The following CKAP5 variants were observed in gnomAD, a reference collection of about 807,000 sequenced individuals.
CKAP5 encodes the protein cytoskeleton associated protein 5.
In CKAP5, 27 loss-of-function variants were observed where a neutral mutation model predicts 232.8. The ratio of observed to expected loss-of-function variants is 0.12; its 90% confidence interval spans 0.09 to 0.16. The LOEUF (loss-of-function observed/expected upper bound fraction) is 0.16. CKAP5 is among the 10% of genes least tolerant of loss of function. The pLI is 1.00. For synonymous variants in CKAP5, 785 were observed against 841.1 expected (o/e 0.93, Z 1.16); for missense variants, 1,838 against 2,424.7 (o/e 0.76, Z 5.08).
intron 35 of CKAP5, among the ~76,000 whole-genome samples, chr11:46,758,128 CT>C (rs1315584410): frequency 6.6e-6 from 1 of 152,170 alleles, no homozygotes; most frequent in Non-Finnish European, 1.5e-5. Context: ...CACCCTGGTG[CT>C]TTTAAAGCCC....
At chr11:46,752,584 CAA>C (rs772556034) in intron 38 of CKAP5, 49 bp downstream of exon 38, 3 of 1,428,354 alleles carry the variant, frequency 2.1e-6, no homozygotes, top group Non-Finnish European at 2.9e-6. Flanking sequence ...ATACTTTTAA[CAA>C]AGTGATTGCA....
intron 1 of CKAP5, among the ~76,000 whole-genome samples, chr11:46,840,868 G>C (rs1441216019): frequency 2.0e-5 from 3 of 152,130 alleles, no homozygotes; most frequent in African/African-American, 7.2e-5. Context: ...GCCTACAGAA[G>C]CACAGGTAAA....
chr11:46,774,097 G>A (rs1318859377), intron 24 of CKAP5, among the ~76,000 whole-genome samples: 1 of 152,120 alleles, frequency 6.6e-6, no homozygotes, highest in Non-Finnish European at 1.5e-5. Context: ...GTTTACAGAT[G>A]AACATGATTG....
chr11:46,758,125 G>A (rs1489413012), intron 35 of CKAP5, among the ~76,000 whole-genome samples: 1 of 151,982 alleles, frequency 6.6e-6, no homozygotes, highest in Non-Finnish European at 1.5e-5. Context: ...ACTCACCCTG[G>A]TGCTTTTAAA....
chr11:46,809,471 T>C lies in CKAP5; in HGVS notation c.793A>G (p.Ile265Val). ...GGDDGDEVPQIDAYELLEAVE... is the reference protein window; with the variant it reads ...GGDDGDEVPQVDAYELLEAVE... ...GCTTCTAAAAGCTCATAAGCATCTA[T>C]TTGTGGCACCTCATCACCATCATCA... The change falls in exon 7 of 44, where the codon ATA becomes GTA. Residue 265 changes from isoleucine (I) to valine (V), a missense_variant. Ile to Val is a conservative substitution (Grantham distance 29). This residue lies in a region of CKAP5 where 285 missense variants were observed against 300.0 expected (regional missense o/e 0.95). Coordinates refer to ENST00000529230, the MANE Select transcript of CKAP5 (RefSeq NM_001008938.4). 6.2e-7 allele frequency: 1 copy of C among 1,613,546 alleles called. No homozygotes were observed. Among genetic ancestry groups the C allele is most frequent in the Non-Finnish European group, 8.5e-7 (1 of 1,179,698 alleles).
At position 46,778,947 on chromosome 11, in the gene CKAP5, T is replaced by C. The variant is rs993708971; in HGVS notation, c.2434-348A>G. Reference sequence around the variant, plus strand: ...AAAATTAGCCTGGCATGGTGGCACGTGCGTGTAATCCCAGCTTCCCAGCTG... The same window carrying C: ...AAAATTAGCCTGGCATGGTGGCACGCGCGTGTAATCCCAGCTTCCCAGCTG... On this transcript the variant is annotated intron_variant, in intron 20 of 43. Transcript: ENST00000529230. 2.0e-5 allele frequency among the ~76,000 whole-genome samples: 3 copies of C among 151,900 alleles called. 1 individual carries two copies. Among genetic ancestry groups the C allele is most frequent in the African/African-American group, 7.3e-5 (3 of 41,348 alleles).
chr11:46,839,785 T>C (rs956022129), intron 1 of CKAP5, among the ~76,000 whole-genome samples: 1 of 152,160 alleles, frequency 6.6e-6, no homozygotes, highest in Non-Finnish European at 1.5e-5. Context: ...ATTTTGAGCA[T>C]GTTGCACAGC....
intron 1 of CKAP5, among the ~76,000 whole-genome samples, chr11:46,830,813 A>T (rs1427788347): frequency 6.6e-6 from 1 of 152,184 alleles, no homozygotes; most frequent in African/African-American, 2.4e-5. Flanking sequence ...CTGTAATCCC[A>T]GCACTTTGGG....
At position 46,784,601 on chromosome 11, in the gene CKAP5, C is replaced by G. The variant is rs1446677627; in HGVS notation, c.2041G>C (p.Val681Leu). Residue 681 changes from valine (V) to leucine (L), a missense_variant, in exon 17 of 44, where the codon GTT becomes CTT. By Grantham distance (32) the Val-to-Leu change is conservative. Around this residue, in one of 6 missense-constraint regions of CKAP5, gnomAD observed 767 missense variants for 954.6 expected, o/e 0.80. Transcript: ENST00000529230. ...KGNFSKTSAQ[V>L]VLDGLVDKIG... The stretch of plus-strand genomic sequence containing the variant: ...TTGTCCACAAGGCCATCTAATACAA[C>G]CTGAGCTGACGTTTTGGAAAAATTT... The G allele has an allele frequency of 9.9e-6, 16 of 1,614,070 alleles. No individual in the cohort carries two copies. Among genetic ancestry groups the G allele is most frequent in the Non-Finnish European group, 1.1e-5 (13 of 1,179,972 alleles).
intron 8 of CKAP5, among the ~76,000 whole-genome samples, chr11:46,806,863 A>C (rs1248656759): frequency 6.6e-6 from 1 of 152,224 alleles, no homozygotes; most frequent in Admixed American, 6.5e-5. Flanking sequence ...TGAGGTAGAC[A>C]AGATAACACT....
intron 27 of CKAP5, among the ~76,000 whole-genome samples, chr11:46,765,495 T>C (rs934500292): frequency 1.3e-5 from 2 of 152,178 alleles, no homozygotes; most frequent in Non-Finnish European, 2.9e-5. Context: ...TGTTATGTAG[T>C]TGGAAAAACT....
At chr11:46,833,090 A>G (rs1301417003) in intron 1 of CKAP5, among the ~76,000 whole-genome samples, 3 of 152,168 alleles carry the variant, frequency 2.0e-5, no homozygotes, top group Non-Finnish European at 4.4e-5. Context: ...GTGCACCACA[A>G]TAGCCCTGAG....
chr11:46,774,642 T>C (rs2065276866), intron 24 of CKAP5, among the ~76,000 whole-genome samples: 3 of 152,200 alleles, frequency 2.0e-5, no homozygotes, highest in Middle Eastern at 3.4e-3. Context: ...AAAACAGATA[T>C]ATAGACCAAT....
In CKAP5 at chr11:46,809,574, C is replaced by T. The variant is rs1260560332; in HGVS notation, c.764-74G>A. On this transcript the variant is annotated intron_variant, in intron 6 of 43. Coordinates refer to ENST00000529230, the MANE Select transcript of CKAP5 (RefSeq NM_001008938.4). ...TACTTATCAGTTATCAGTCCTTTCA[C>T]AACCCTGATGAAATTTTAATAGAGA... is the stretch of plus-strand genomic sequence containing the variant. 7.3e-6 allele frequency: 10 copies of T among 1,369,650 alleles called. No individual in the cohort carries two copies. In the African/African-American group the frequency reaches 1.3e-4, roughly 18 times the overall value. The allele number at this position is 1,369,650 out of a possible 1,614,324, so 84.8% of individuals were successfully genotyped here.
intron 1 of CKAP5, among the ~76,000 whole-genome samples, chr11:46,823,321 A>C (rs1158852289): frequency 6.6e-6 from 1 of 152,198 alleles, no homozygotes; most frequent in Admixed American, 6.5e-5. Flanking sequence ...AACTACAGAA[A>C]AAAATCTAAG....
chr11:46,823,224 G>A (rs1939583113), intron 1 of CKAP5, among the ~76,000 whole-genome samples: 1 of 151,960 alleles, frequency 6.6e-6, no homozygotes, highest in Non-Finnish European at 1.5e-5. Flanking sequence ...CACTGATCGT[G>A]AGCCACCGCA....
intron 27 of CKAP5, 22 bp downstream of exon 27, chr11:46,767,553 G>A (rs1186148827): frequency 9.4e-6 from 14 of 1,484,896 alleles, no homozygotes; most frequent in African/African-American, 2.8e-5. Context: ...AGTCTACATC[G>A]AAGTATACAG....
At chr11:46,789,410 G>C (rs1208344495) in intron 15 of CKAP5, among the ~76,000 whole-genome samples, 1 of 152,042 alleles carries the variant, frequency 6.6e-6, no homozygotes, top group Non-Finnish European at 1.5e-5. Context: ...GATGATAAAG[G>C]GGAGAAAAAG....
chr11:46,811,804 T>C (rs1675325584), intron 4 of CKAP5, among the ~76,000 whole-genome samples: 1 of 152,322 alleles, frequency 6.6e-6, no homozygotes, highest in South Asian at 2.1e-4. Flanking sequence ...TGTATATACA[T>C]ATAAAAGCTT....
Sources: gnomAD v4.1 joint callset for allele counts (sites outside exome capture counted in the v4.1 genomes callset) on GRCh38, gnomAD v4.1.1 for gene constraint, gnomAD v4.1.1 regional missense constraint, MANE v1.5 for transcripts, NCBI Gene and HGNC (gene_info 2026-07-23, HGNC 2026-07-21) for gene names.